The following PNPT1 variants were observed in gnomAD, a reference collection of about 807,000 sequenced individuals.
PNPT1 encodes polyribonucleotide nucleotidyltransferase 1, mitochondrial.
A neutral mutation model predicts 119.5 loss-of-function variants in PNPT1; 53 were observed. The observed-to-expected ratio is 0.44, with a 90% CI of 0.36 to 0.56. The LOEUF (loss-of-function observed/expected upper bound fraction) is 0.56. Ranked by LOEUF, PNPT1 falls within the 20% of genes least tolerant of loss-of-function variation. The probability of loss-of-function intolerance (pLI) is 0.00; values close to 1 mark genes in which losing one functional copy is unlikely to be tolerated. For synonymous variants in PNPT1, 357 were observed against 322.1 expected, an observed-to-expected ratio of 1.11 and a Z score of -1.16; for missense variants, 948 against 938.5, an observed-to-expected ratio of 1.01 and a Z score of -0.13.
intron 20 of PNPT1, 28 bp from the exon 21 acceptor site, chr2:55,646,350 T>A: frequency 6.2e-7 from 1 of 1,603,630 alleles, no homozygotes; most frequent in South Asian, 1.1e-5. Context: ...AACAATTATA[T>A]AAATATTGAC....
In PNPT1 at chr2:55,686,387, G is replaced by C; in HGVS notation, c.280C>G (p.Gln94Glu). The change falls in exon 3 of 28, where the codon CAG (glutamine) becomes GAG (glutamate). Residue 94 changes from glutamine to glutamate, a missense_variant. By Grantham distance (29) the Gln-to-Glu change is conservative (BLOSUM62 2). Coordinates refer to ENST00000447944, the MANE Select transcript of PNPT1 (RefSeq NM_033109.5). ...ATACTTACCACCAAAGGCATAAACTGGGAAGGGGAAGGTTTTGTTTTACTG... is the reference window on the plus strand; with the variant it reads ...ATACTTACCACCAAAGGCATAAACTCGGAAGGGGAAGGTTTTGTTTTACTG... ...AVSKTKPSPS[Q>E]FMPLVVDYRQ... The C allele has an allele frequency of 6.2e-7, 1 of 1,613,100 alleles. No individual in the cohort carries two copies. Among genetic ancestry groups the C allele is most frequent in the Non-Finnish European group, 8.5e-7 (1 of 1,179,162 alleles).
chr2:55,692,032 C>T (rs955824088), intron 1 of PNPT1, among the ~76,000 whole-genome samples: 2 of 151,432 alleles, frequency 1.3e-5, no homozygotes, highest in Non-Finnish European at 2.9e-5. Context: ...ATTACAGGTG[C>T]TTGCCACCAC....
chr2:55,668,857 C>G (rs60097935), intron 11 of PNPT1, among the ~76,000 whole-genome samples: 3,627 of 152,240 alleles, frequency 0.024, 146 homozygotes, highest in African/African-American at 0.082. Flanking sequence ...GCCTTGGCCT[C>G]CCAAAGTGCT....
Position 55,693,834 on chromosome 2 carries a change from A to C in PNPT1, c.-11T>G. The C allele has an allele frequency of 6.2e-7, 1 of 1,612,558 alleles. No individual in the cohort carries two copies. Among genetic ancestry groups the C allele is most frequent in the Non-Finnish European group, 8.5e-7 (1 of 1,179,904 alleles). ...CCTGCAGGCCGCCATGACACCCGGC[A>C]CGCGGTCAACGCAGGCTGTGCCCTG... On this transcript the variant is annotated 5_prime_UTR_variant, in exon 1 of 28. Coordinates refer to ENST00000447944, the MANE Select transcript of PNPT1 (RefSeq NM_033109.5).
At chr2:55,661,799 C>T (rs1295168469) in intron 14 of PNPT1, among the ~76,000 whole-genome samples, 157 bp downstream of exon 14, 1 of 152,052 alleles carries the variant, frequency 6.6e-6, no homozygotes, top group Non-Finnish European at 1.5e-5. Context: ...CTAGCACACA[C>T]ACAAAATCCT....
Position 55,680,924 on chromosome 2 carries a change from A to G in PNPT1, c.454-6T>C, listed in dbSNP as rs1429073064. On this transcript the variant is annotated splice_region_variant and splice_polypyrimidine_tract_variant and intron_variant, in intron 5 of 27. Coordinates refer to ENST00000447944, the MANE Select transcript of PNPT1 (RefSeq NM_033109.5). ...GCTAACAGATTACACAGAACCTGGT[A>G]AAAGGGAAAAAATTTGATTTGGAAG... 1.2e-6 allele frequency: 2 copies of G among 1,611,322 alleles called. No individual in the cohort carries two copies. The highest frequency in any genetic ancestry group is 2.2e-5 in the South Asian group (2 of 90,196).
chr2:55,684,180 G>A (rs769158674), intron 4 of PNPT1, among the ~76,000 whole-genome samples: 16 of 152,222 alleles, frequency 1.1e-4, no homozygotes, highest in Admixed American at 2.0e-4. Context: ...TCTGAAGACT[G>A]TATATAAATA....
At chr2:55,672,851 C>T (rs1216822167) in intron 9 of PNPT1, 42 bp downstream of exon 9, 2 of 1,524,800 alleles carry the variant, frequency 1.3e-6, no homozygotes, top group African/African-American at 2.8e-5. Context: ...GAAATTAAAT[C>T]TGATGACAAT....
At position 55,635,833 on chromosome 2, in the gene PNPT1, G is replaced by C. The variant is rs1695653777; in HGVS notation, c.*404C>G. On this transcript the variant is annotated 3_prime_UTR_variant, in exon 28 of 28. Transcript: ENST00000447944. Reference sequence around the variant, plus strand: ...GGCAAGTAAAGTTGTTGGGCACAGAGGTGACCTGTAGGATGACTGAAGGTA... The same window carrying C: ...GGCAAGTAAAGTTGTTGGGCACAGACGTGACCTGTAGGATGACTGAAGGTA... The C allele has an allele frequency of 6.5e-6, 1 of 153,138 alleles. No homozygotes were observed. The allele number at this position is 153,138 out of a possible 1,614,324, so 9.5% of individuals were successfully genotyped here.
intron 5 of PNPT1, 128 bp downstream of exon 5, chr2:55,683,657 T>C (rs1697313986): frequency 1.4e-6 from 1 of 733,452 alleles, no homozygotes; most frequent in African/African-American, 1.9e-5. Context: ...AAAAACGTAA[T>C]GTAAAATATA....
rs1696785470 is a variant in PNPT1 at position 55,667,863 on chromosome 2, T to C, written c.1072A>G (p.Arg358Gly). 3 of 1,599,520 alleles carry C rather than the reference T, an allele frequency of 1.9e-6. No individual in the cohort carries two copies. Among genetic ancestry groups the C allele is most frequent in the African/African-American group, 1.4e-5 (1 of 73,598 alleles). ...FRSIVLNEYK[R>G]CDGRDLTSLR... ...TTCAACAAAAAAGGGTATGTTTACC[T>C]TTTGTATTCATTCAAAACAATACTT... The change falls in exon 12 of 28, where the codon AGG becomes GGG. Residue 358 changes from arginine to glycine, a missense_variant and splice_region_variant. Arg to Gly is a moderately radical substitution (Grantham distance 125). Transcript: ENST00000447944.
chr2:55,687,771 A>T lies in PNPT1; in HGVS notation c.162-66T>A, dbSNP rs555826942. On this transcript the variant is annotated intron_variant, in intron 1 of 27. Coordinates refer to ENST00000447944, the MANE Select transcript of PNPT1 (RefSeq NM_033109.5). ...ATCTGTACAATTCCTGCTTAGTATA[A>T]AATAATAAAAGATTCTAAGGGAAGA... 4.8e-6 allele frequency: 6 copies of T among 1,262,404 alleles called. No individual in the cohort carries two copies. In the African/African-American group the frequency reaches 9.1e-5, roughly 19 times the overall value. 78.2% of individuals were successfully genotyped at this position (1,262,404 alleles called of 1,614,324 possible). A position where few individuals can be genotyped will look rare whatever the true frequency, so the allele number is the denominator to read the frequency against.
chr2:55,641,322 G>A (rs995661945), intron 25 of PNPT1, among the ~76,000 whole-genome samples: 1 of 140,216 alleles, frequency 7.1e-6, no homozygotes, highest in African/African-American at 2.7e-5. Flanking sequence ...AGGCTGGAGT[G>A]CAGTGGTGCC....
chr2:55,647,522 ATT>A (rs764398532), intron 18 of PNPT1, 69 bp from the exon 19 acceptor site: 5,070 of 927,636 alleles, frequency 5.5e-3, no homozygotes, highest in South Asian at 9.0e-3. Flanking sequence ...TTATCTATCA[ATT>A]TTTTTTTTTT....
chr2:55,657,853 CTGCAAAAAAAAAAAAAAAAAAAAAA>C, intron 15 of PNPT1, among the ~76,000 whole-genome samples: 1 of 22,822 alleles, frequency 4.4e-5, no homozygotes, highest in Non-Finnish European at 1.1e-4. Context: ...AATAGATAGA[CTGCAAAAAAAAAAAAAAAAAAAAAA>C]AAAAAAAAAA....
intron 8 of PNPT1, among the ~76,000 whole-genome samples, chr2:55,675,339 G>C (rs112091550): frequency 6.6e-6 from 1 of 151,522 alleles, no homozygotes; most frequent in African/African-American, 2.4e-5. Flanking sequence ...TGTAATTCCA[G>C]TGCTATGGGA....
chr2:55,670,556 A>G (rs948828647), intron 11 of PNPT1, among the ~76,000 whole-genome samples: 5 of 152,200 alleles, frequency 3.3e-5, no homozygotes, highest in African/African-American at 4.8e-5. Context: ...TAAGTTCTGT[A>G]TCTTATGATT....
At chr2:55,681,993 A>C (rs966752400) in intron 5 of PNPT1, among the ~76,000 whole-genome samples, 3 of 151,920 alleles carry the variant, frequency 2.0e-5, no homozygotes, top group Non-Finnish European at 4.4e-5. Flanking sequence ...AATACAAAAA[A>C]TTAGCCAGGC....
intron 8 of PNPT1, among the ~76,000 whole-genome samples, chr2:55,677,825 T>C (rs537681207): frequency 1.4e-4 from 21 of 150,662 alleles, no homozygotes; most frequent in Non-Finnish European, 2.1e-4. Context: ...CTGCAAGCTC[T>C]GCCTCCCGGG....
Sources: gnomAD v4.1 joint callset for allele counts (sites outside exome capture counted in the v4.1 genomes callset) on GRCh38, gnomAD v4.1.1 for gene constraint, MANE v1.5 for transcripts, NCBI Gene and HGNC (gene_info 2026-07-23, HGNC 2026-07-21) for gene names.